FLI1: variants seen among roughly 807,000 people sequenced by gnomAD.
The protein encoded by FLI1 is Fli-1 proto-oncogene, ETS transcription factor.
Under a neutral mutation model 53.1 loss-of-function variants are expected in FLI1, and 13 were observed. The observed-to-expected ratio is 0.24, with a 90% CI of 0.16 to 0.39. The LOEUF is 0.39. Ranked by LOEUF, FLI1 falls within the 10% of genes least tolerant of loss-of-function variation. FLI1 has a pLI of 1.00. For missense variants in FLI1, 424 were observed against 600.5 expected (o/e 0.71, Z 3.07); for synonymous variants, 244 against 236.7 (o/e 1.03, Z -0.28).
At chr11:128,695,442 C>T (rs1938025669) in intron 1 of FLI1, among the ~76,000 whole-genome samples, 1 of 152,154 alleles carries the variant, frequency 6.6e-6, no homozygotes, top group Admixed American at 6.5e-5. Context: ...ACTGGCAGAG[C>T]CCGCCATTCC....
At chr11:128,721,694 C>T (rs1939260805) in intron 1 of FLI1, among the ~76,000 whole-genome samples, 1 of 152,194 alleles carries the variant, frequency 6.6e-6, no homozygotes, top group Non-Finnish European at 1.5e-5. Flanking sequence ...GATGTTTACT[C>T]TTGGCACTCT....
chr11:128,710,206 C>T (rs1376226992), intron 1 of FLI1, among the ~76,000 whole-genome samples: 2 of 152,112 alleles, frequency 1.3e-5, no homozygotes, highest in South Asian at 2.1e-4. Context: ...GGAAGGAGAA[C>T]ATTTGCCCAT....
intron 2 of FLI1, chr11:128,764,808 G>A (rs1256018087): frequency 1.3e-6 from 2 of 1,592,936 alleles, no homozygotes; most frequent in African/African-American, 2.7e-5. Context: ...AGGACTGGCA[G>A]GCGAGCGGGC....
chr11:128,796,034 T>G (rs1942432776), intron 5 of FLI1, among the ~76,000 whole-genome samples: 1 of 152,214 alleles, frequency 6.6e-6, no homozygotes, highest in African/African-American at 2.4e-5. Flanking sequence ...TTAAGTCATT[T>G]GCCTCAGACC....
chr11:128,733,688 G>A (rs1180778397), intron 1 of FLI1, among the ~76,000 whole-genome samples: 1 of 152,180 alleles, frequency 6.6e-6, no homozygotes, highest in Non-Finnish European at 1.5e-5. Context: ...AAGATGCTGT[G>A]CGCTGAAAGT....
chr11:128,689,643 G>A (rs1254958694), upstream of FLI1, among the ~76,000 whole-genome samples: 1 of 152,226 alleles, frequency 6.6e-6, no homozygotes, highest in East Asian at 1.9e-4. Flanking sequence ...GCTGGGAGGA[G>A]GGGGTGTGAT....
chr11:128,810,393 G>A lies in FLI1; in HGVS notation c.830-66G>A. 6.8e-7 allele frequency: 1 copy of A among 1,468,308 alleles called. No individual in the cohort carries two copies. The highest frequency in any genetic ancestry group is 9.1e-7 in the Non-Finnish European group (1 of 1,093,284). 91.0% of individuals were successfully genotyped at this position (1,468,308 alleles called of 1,614,324 possible). On this transcript the variant is annotated intron_variant, in intron 8 of 8. Coordinates refer to ENST00000527786, the MANE Select transcript of FLI1 (RefSeq NM_002017.5). The surrounding 1 kb of genome is among the most constrained non-coding windows in gnomAD (Gnocchi z 6.6). ...GGATGAGAAGCTCCCTGCATTTAGG[G>A]AACTGGGTTCTGCCTTCTCTGGGCT...
At chr11:128,698,711 C>CGTGT (rs10557859) in intron 1 of FLI1, among the ~76,000 whole-genome samples, 75 of 144,532 alleles carry the variant, frequency 5.2e-4, no homozygotes, top group East Asian at 2.2e-3. Context: ...TATGTGTTTG[C>CGTGT]GTGTGTGTGT....
intron 1 of FLI1, among the ~76,000 whole-genome samples, chr11:128,706,050 C>G (rs377117431): frequency 6.6e-6 from 1 of 152,088 alleles, no homozygotes; most frequent in African/African-American, 2.4e-5. Flanking sequence ...GCACAAGCAC[C>G]CCCACCTCAT....
chr11:128,804,152 A>T (rs1200969269), intron 5 of FLI1: 2 of 152,268 alleles, frequency 1.3e-5, no homozygotes, highest in Non-Finnish European at 2.9e-5. Flanking sequence ...GGATCTTCTT[A>T]GCCAGAAACA....
chr11:128,690,431 A>G (rs971892594), upstream of FLI1, among the ~76,000 whole-genome samples: 2 of 152,016 alleles, frequency 1.3e-5, no homozygotes, highest in African/African-American at 4.8e-5. Context: ...CCAGGCTCAG[A>G]TCGTCAGGTC....
chr11:128,713,821 A>G (rs577848720), intron 1 of FLI1, among the ~76,000 whole-genome samples: 1 of 152,276 alleles, frequency 6.6e-6, no homozygotes, highest in Admixed American at 6.5e-5. Context: ...CCTTCCAATA[A>G]GTCTTTACTG....
chr11:128,788,557 A>G (rs1434166074), intron 5 of FLI1, among the ~76,000 whole-genome samples: 1 of 152,144 alleles, frequency 6.6e-6, no homozygotes, highest in Non-Finnish European at 1.5e-5. Flanking sequence ...GAAAAACAAC[A>G]ATGCATGCTA....
chr11:128,724,111 T>A (rs1271625672), intron 1 of FLI1, among the ~76,000 whole-genome samples: 1 of 151,604 alleles, frequency 6.6e-6, no homozygotes, highest in Non-Finnish European at 1.5e-5. Context: ...CCAGGCTAAG[T>A]TGTTTGTATT....
At chr11:128,804,764 G>C (rs904598503) in intron 5 of FLI1, 1 of 152,278 alleles carries the variant, frequency 6.6e-6, no homozygotes, top group African/African-American at 2.4e-5. Context: ...CATCATCCAT[G>C]TGCTGAAATC....
At chr11:128,774,130 C>T (rs745780914) in intron 4 of FLI1, among the ~76,000 whole-genome samples, 4 of 152,124 alleles carry the variant, frequency 2.6e-5, no homozygotes, top group Non-Finnish European at 5.9e-5. Context: ...TCTTTGGAAT[C>T]CACTGTCCCT....
chr11:128,699,248 G>T lies in FLI1; in HGVS notation c.18+4972G>T, dbSNP rs1369455058. ...CTTGGCATTTGTTTAAAAAACAGTTGATTTAAACCAAGCCTCTTTCTAGGT... is the reference window on the plus strand; with the variant it reads ...CTTGGCATTTGTTTAAAAAACAGTTTATTTAAACCAAGCCTCTTTCTAGGT... On this transcript the variant is annotated intron_variant, in intron 1 of 8. Coordinates refer to ENST00000527786, the MANE Select transcript of FLI1 (RefSeq NM_002017.5). 3.9e-5 allele frequency among the ~76,000 whole-genome samples: 6 copies of T among 152,232 alleles called. No individual in the cohort carries two copies. In the East Asian group the frequency reaches 9.6e-4, roughly 24 times the overall value.
intron 1 of FLI1, among the ~76,000 whole-genome samples, chr11:128,734,546 T>G (rs1047441791): frequency 1.3e-5 from 2 of 152,206 alleles, no homozygotes; most frequent in African/African-American, 4.8e-5. Context: ...TCGAATGCCT[T>G]CATCCTTGTG....
At chr11:128,759,307 CTT>C (rs1343217388) in intron 2 of FLI1, among the ~76,000 whole-genome samples, 1 of 152,216 alleles carries the variant, frequency 6.6e-6, no homozygotes, top group East Asian at 1.9e-4. Context: ...CAGAGGCTGA[CTT>C]TGAGCACCGA....
Sources: allele counts gnomAD v4.1 joint callset (sites outside exome capture counted in the v4.1 genomes callset), GRCh38; gene constraint gnomAD v4.1.1; non-coding constraint Gnocchi (gnomAD v3.1); transcripts MANE v1.5; gene names NCBI Gene and HGNC (gene_info 2026-07-23, HGNC 2026-07-21).